Variants in ANGEL1 observed in about 807,000 individuals in gnomAD.
The protein encoded by ANGEL1 is RNA 2',3'-cyclic phosphatase ANGEL1.
Under a neutral mutation model 76.4 loss-of-function variants are expected in ANGEL1, and 62 were observed. The ratio of observed to expected loss-of-function variants is 0.81; its 90% CI spans 0.66 to 1.00. The LOEUF (loss-of-function observed/expected upper bound fraction) is 1.00. ANGEL1 is among the 50% of genes least tolerant of loss of function. ANGEL1 has a pLI of 0.00. For missense variants in ANGEL1, 737 were observed against 836.7 expected, an observed-to-expected ratio of 0.88 and a Z score of 1.47; for synonymous variants, 340 against 331.7, an observed-to-expected ratio of 1.03 and a Z score of -0.27.
At position 76,792,866 on chromosome 14, in the gene ANGEL1, T is replaced by C. The variant is rs117214602; in HGVS notation, c.1619-1500A>G. 1.8e-3 allele frequency among the ~76,000 whole-genome samples: 280 copies of C among 152,314 alleles called. 6 individuals are homozygous for C. The East Asian group carries it at 0.034, about 18-fold the overall frequency. On this transcript the variant is annotated intron_variant, in intron 7 of 9. Transcript: ENST00000251089. ...GGGTGTCTGTTCTCACCTCTTCTAT[T>C]TGACATTGTACCAAAAGTTTTAGTC...
At chr14:76,804,826 A>G (rs10140528) in intron 5 of ANGEL1, among the ~76,000 whole-genome samples, 110,002 of 151,910 alleles carry the variant, frequency 0.72, 40,223 homozygotes, top group African/African-American at 0.8. Flanking sequence ...CCTGGCCAAC[A>G]TGGCGAAACC....
In ANGEL1 at chr14:76,809,279, C is replaced by T; in HGVS notation, c.429G>A (p.Glu143=). 6.2e-7 allele frequency: 1 copy of T among 1,613,720 alleles called. No homozygotes were observed. Among genetic ancestry groups the T allele is most frequent in the Non-Finnish European group, 8.5e-7 (1 of 1,179,742 alleles). Residue 143 remains glutamate (E), a synonymous_variant, in exon 2 of 10, where the codon GAG becomes GAA. Transcript: ENST00000251089. ...TGGGGATAGCTGCCCACATGGAGCC[C>T]TCCACCCCCTCCACCTCCAGCAGTG... ...EEPLLEVEGV[E]GSMWAAIPMQ... is the part of the protein sequence containing the mutation.
At chr14:76,795,365 T>C (rs1019703306) in intron 7 of ANGEL1, among the ~76,000 whole-genome samples, 2 of 152,316 alleles carry the variant, frequency 1.3e-5, no homozygotes, top group East Asian at 3.9e-4. Flanking sequence ...TATGGTATAT[T>C]GGTCTTTCAA....
chr14:76,807,950 A>C lies in ANGEL1; in HGVS notation c.848T>G (p.Met283Arg). ...LNWNYRFVNL[M>R]QEFQHWDPDI... is the part of the protein sequence containing the mutation. ...AGGGTCCCAGTGCTGGAATTCCTGC[A>C]TGAGGTTCACGAAGCGATAGTTCCA... Residue 283 changes from methionine (M) to arginine (R), a missense_variant, in exon 3 of 10, where the codon ATG becomes AGG. Met to Arg is a moderately conservative substitution (Grantham distance 91). This residue lies in a region of ANGEL1 where 441 missense variants were observed against 449.5 expected (regional missense o/e 0.98). Coordinates refer to ENST00000251089, the MANE Select transcript of ANGEL1 (RefSeq NM_015305.4). 1 of 1,614,072 alleles carries C rather than the reference A, an allele frequency of 6.2e-7. No individual in the cohort carries two copies. Among genetic ancestry groups the C allele is most frequent in the Non-Finnish European group, 8.5e-7 (1 of 1,180,034 alleles).
At position 76,806,460 on chromosome 14, in the gene ANGEL1, T is replaced by A; in HGVS notation, c.1336A>T (p.Ile446Phe). The part of the protein sequence containing the change: ...SVPDSPLYNF[I>F]RDGELQYHGM... Reference sequence around the variant, plus strand: ...TGGTACTGGAGCTCTCCATCCCTGATGAAGTTGTAGAGAGGTGAATCAGGG... The same window carrying A: ...TGGTACTGGAGCTCTCCATCCCTGAAGAAGTTGTAGAGAGGTGAATCAGGG... The change falls in exon 5 of 10, where the codon ATC (isoleucine) becomes TTC (phenylalanine). Residue 446 changes from isoleucine to phenylalanine, a missense_variant. By Grantham distance (21) the Ile-to-Phe change is conservative (BLOSUM62 0). This residue lies in a region of ANGEL1 where 296 missense variants were observed against 387.2 expected (regional missense o/e 0.76). Coordinates refer to ENST00000251089, the MANE Select transcript of ANGEL1 (RefSeq NM_015305.4). 6.2e-7 allele frequency: 1 copy of A among 1,614,028 alleles called. No homozygotes were observed. The highest frequency in any genetic ancestry group is 8.5e-7 in the Non-Finnish European group (1 of 1,179,990).
At chr14:76,810,244 A>G in intron 1 of ANGEL1, 1 of 455,022 alleles carries the variant, frequency 2.2e-6, no homozygotes, top group South Asian at 1.6e-5. Flanking sequence ...CAACATAACG[A>G]AACTTCATCT....
intron 7 of ANGEL1, among the ~76,000 whole-genome samples, chr14:76,794,468 G>A (rs535023569): frequency 5.5e-4 from 83 of 152,078 alleles, no homozygotes; most frequent in Middle Eastern, 3.4e-3. Flanking sequence ...TCAGGAGATC[G>A]AGACCATCCT....
At chr14:76,812,660 G>C (rs1392769148) in intron 1 of ANGEL1, 104 bp downstream of exon 1, 1 of 1,374,712 alleles carries the variant, frequency 7.3e-7, no homozygotes, top group Non-Finnish European at 9.4e-7. Context: ...CCCGGGGCAC[G>C]GTAGTCGTGA....
Position 76,812,862 on chromosome 14 carries a change from G to C in ANGEL1, c.-35C>G. The C allele has an allele frequency of 6.7e-7, 1 of 1,488,094 alleles. No individual in the cohort carries two copies. Among genetic ancestry groups the C allele is most frequent in the South Asian group, 1.3e-5 (1 of 78,418 alleles). 92.2% of individuals were successfully genotyped at this position (1,488,094 alleles called of 1,614,324 possible). On this transcript the variant is annotated 5_prime_UTR_variant, in exon 1 of 10. Coordinates refer to ENST00000251089, the MANE Select transcript of ANGEL1 (RefSeq NM_015305.4). ...CCCGCGCCCGCCTCCGCTCCTCACT[G>C]CAGCCAGCAGGTCCTCCCTCAGCTC...
intron 7 of ANGEL1, among the ~76,000 whole-genome samples, chr14:76,799,278 C>CTTTTTTTTTTTTTTTT (rs71122579): frequency 5.7e-5 from 3 of 52,378 alleles, no homozygotes; most frequent in Non-Finnish European, 6.3e-5. Flanking sequence ...TCATGGCCTC[C>CTTTTTTTTTTTTTTTT]TTTTTTTTTT....
intron 1 of ANGEL1, chr14:76,812,474 G>A: frequency 8.3e-7 from 1 of 1,205,464 alleles, no homozygotes; most frequent in East Asian, 3.4e-5. Flanking sequence ...CCAGGGCCAG[G>A]AAAGGGCCCT....
rs2140202633 is a variant in ANGEL1 at position 76,786,707 on chromosome 14, GC to G, written c.*2520del. 6.6e-6 allele frequency: 1 copy of G among 152,326 alleles called. No individual in the cohort carries two copies. Among genetic ancestry groups the G allele is most frequent in the African/African-American group, 2.4e-5 (1 of 41,552 alleles). The allele number at this position is 152,326 out of a possible 1,614,324, so 9.4% of individuals were successfully genotyped here. A position where few individuals can be genotyped will look rare whatever the true frequency, so the allele number is the denominator to read the frequency against. ...AAGACAAAAGCACCAACAGAGGTAG[GC>G]CTAGGAAGGAAGAGACATTTTTCCA... On this transcript the variant is annotated 3_prime_UTR_variant, in exon 10 of 10. Coordinates refer to ENST00000251089, the MANE Select transcript of ANGEL1 (RefSeq NM_015305.4).
chr14:76,797,587 G>A (rs1015729157), intron 7 of ANGEL1, among the ~76,000 whole-genome samples: 2 of 152,134 alleles, frequency 1.3e-5, no homozygotes, highest in Admixed American at 1.3e-4. Flanking sequence ...GTGACAGAGT[G>A]AGACTCCGTC....
intron 7 of ANGEL1, among the ~76,000 whole-genome samples, chr14:76,793,836 A>G (rs1894493694): frequency 6.6e-6 from 1 of 152,134 alleles, no homozygotes; most frequent in African/African-American, 2.4e-5. Flanking sequence ...TAAATTATGT[A>G]CAGTAAAAGA....
chr14:76,809,583 T>C lies in ANGEL1; in HGVS notation c.125A>G (p.Glu42Gly), dbSNP rs771321882. Residue 42 changes from glutamate (E) to glycine (G), a missense_variant, in exon 2 of 10, where the codon GAG becomes GGG. By Grantham distance (98) the Glu-to-Gly change is moderately conservative. Coordinates refer to ENST00000251089, the MANE Select transcript of ANGEL1 (RefSeq NM_015305.4). ...LLANSSSPQV[E>G]GDFAMAPRGP... ...CCGAGGGGCCATGGCAAAGTCGCCC[T>C]CTACCTGGGGGGATGAGCTGTTCGC... 39 of 1,614,074 alleles carry C rather than the reference T, an allele frequency of 2.4e-5. No homozygotes were observed. Among genetic ancestry groups the C allele is most frequent in the Non-Finnish European group, 3.1e-5 (37 of 1,180,060 alleles).
At chr14:76,807,114 T>C (rs998248332) in intron 4 of ANGEL1, among the ~76,000 whole-genome samples, 6 of 152,216 alleles carry the variant, frequency 3.9e-5, no homozygotes, top group African/African-American at 1.4e-4. Context: ...ACAAGCTGGA[T>C]TCCTAGCTCC....
intron 2 of ANGEL1, 94 bp downstream of exon 2, chr14:76,808,965 G>A: frequency 2.5e-6 from 3 of 1,214,244 alleles, no homozygotes; most frequent in Non-Finnish European, 3.4e-6. Flanking sequence ...CAGTGGCAGA[G>A]CTCCCTACCA....
chr14:76,792,916 A>G (rs1894449300), intron 7 of ANGEL1, among the ~76,000 whole-genome samples: 1 of 152,196 alleles, frequency 6.6e-6, no homozygotes. Flanking sequence ...AGAAAAAGAA[A>G]TAAAAGGTAT....
chr14:76,809,900 A>G (rs1046749134), intron 1 of ANGEL1, among the ~76,000 whole-genome samples: 2 of 152,238 alleles, frequency 1.3e-5, no homozygotes. Flanking sequence ...TCAGTGCATG[A>G]AAGAACAGCT....
Sources: allele counts gnomAD v4.1 joint callset (sites outside exome capture counted in the v4.1 genomes callset), GRCh38; gene constraint gnomAD v4.1.1; regional missense constraint gnomAD v4.1.1; transcripts MANE v1.5; gene names NCBI Gene and HGNC (gene_info 2026-07-23, HGNC 2026-07-21).